TMEM108: variants seen among roughly 807,000 people sequenced by gnomAD.
TMEM108 encodes the protein transmembrane protein 108, also known as cancer/testis antigen 124.
Under a neutral mutation model 35.1 loss-of-function variants are expected in TMEM108, and 12 were observed. That is an observed-to-expected ratio of 0.34 (90% CI 0.22 to 0.55). TMEM108 has a LOEUF of 0.55. TMEM108 is among the 20% of genes least tolerant of loss of function. The pLI is 0.89. For missense variants in TMEM108, 680 were observed against 753.3 expected, an observed-to-expected ratio of 0.90 and a Z score of 1.14; for synonymous variants, 287 against 308.6, an observed-to-expected ratio of 0.93 and a Z score of 0.73.
chr3:133,106,175 G>GTTTTTTTTT, intron 2 of TMEM108, among the ~76,000 whole-genome samples: 1 of 89,692 alleles, frequency 1.1e-5, no homozygotes, highest in Non-Finnish European at 2.2e-5. Flanking sequence ...GAGGTTAAAG[G>GTTTTTTTTT]TTTTTTTTTT....
At position 133,343,636 on chromosome 3, in the gene TMEM108, A is replaced by C. The variant is rs74766905; in HGVS notation, c.41-36116A>C. Among the ~76,000 whole-genome samples the C allele has an allele frequency of 9.6e-3, 1,464 of 151,986 alleles. 5 individuals carry two copies. Among genetic ancestry groups the C allele is most frequent in the Non-Finnish European group, 0.017 (1,120 of 67,818 alleles). Reference sequence around the variant, plus strand: ...AGAAGCCAGAGCCAAAAAGAAAAGGAAACTATATGGACAGAAAATAGATCA... The same window carrying C: ...AGAAGCCAGAGCCAAAAAGAAAAGGCAACTATATGGACAGAAAATAGATCA... On this transcript the variant is annotated intron_variant, in intron 3 of 5. Transcript: ENST00000321871.
chr3:133,311,686 A>C (rs959519501), intron 3 of TMEM108, among the ~76,000 whole-genome samples: 1 of 152,148 alleles, frequency 6.6e-6, no homozygotes, highest in Non-Finnish European at 1.5e-5. Context: ...GAAGTTTATT[A>C]CCAACCTTCT....
chr3:133,179,719 C>A (rs1016068858), intron 2 of TMEM108, among the ~76,000 whole-genome samples: 2 of 151,968 alleles, frequency 1.3e-5, no homozygotes, highest in African/African-American at 2.4e-5. Flanking sequence ...TGATGAGTTA[C>A]TGGGTGCAGC....
intron 3 of TMEM108, among the ~76,000 whole-genome samples, chr3:133,358,318 C>G (rs558906374): frequency 1.3e-5 from 2 of 152,124 alleles, no homozygotes; most frequent in South Asian, 4.2e-4. Flanking sequence ...ATTACAAGCG[C>G]GAACCACTAC....
intron 2 of TMEM108, among the ~76,000 whole-genome samples, chr3:133,190,470 G>T (rs1359838161): frequency 6.6e-6 from 1 of 152,166 alleles, no homozygotes; most frequent in Non-Finnish European, 1.5e-5. Flanking sequence ...TGGGGTGAAG[G>T]AGGAGGTAAT....
In TMEM108 at chr3:133,280,006, G is replaced by A. The variant is rs867460320; in HGVS notation, c.40+50655G>A. Among the ~76,000 whole-genome samples the A allele has an allele frequency of 3.3e-5, 5 of 151,786 alleles. No individual in the cohort carries two copies. The South Asian group carries it at 1.0e-3, about 32-fold the overall frequency. On this transcript the variant is annotated intron_variant, in intron 3 of 5. Coordinates refer to ENST00000321871, the MANE Select transcript of TMEM108 (RefSeq NM_023943.4). ...TAGATTATATTAAATTTTGAGATGT[G>A]GGCACATTTTAATATGTTAAATGTG...
chr3:133,387,799 G>C, intron 4 of TMEM108: 2 of 976,846 alleles, frequency 2.0e-6, no homozygotes, highest in Non-Finnish European at 2.4e-6. Context: ...AGTCATGCAA[G>C]TAATAGATTG....
chr3:133,082,250 T>G (rs1943820986), intron 2 of TMEM108, among the ~76,000 whole-genome samples: 2 of 152,096 alleles, frequency 1.3e-5, no homozygotes, highest in Admixed American at 1.3e-4. Flanking sequence ...CTGGGGGAAA[T>G]AAATGCTAAT....
intron 4 of TMEM108, chr3:133,389,631 A>C (rs999489512): frequency 6.7e-6 from 1 of 149,228 alleles, no homozygotes; most frequent in African/African-American, 2.5e-5. Context: ...GGTTGCAGTG[A>C]GCCAAGATTG....
chr3:133,356,227 C>T (rs924079748), intron 3 of TMEM108, among the ~76,000 whole-genome samples: 6 of 150,530 alleles, frequency 4.0e-5, no homozygotes, highest in Non-Finnish European at 8.9e-5. Flanking sequence ...TTTACAACAG[C>T]TGAAAAAAAA....
At chr3:133,201,103 C>G (rs1945657237) in intron 2 of TMEM108, among the ~76,000 whole-genome samples, 1 of 152,144 alleles carries the variant, frequency 6.6e-6, no homozygotes, top group Admixed American at 6.5e-5. Flanking sequence ...AGTCAAGACA[C>G]ATGAAATTTC....
chr3:133,078,162 C>CTGTGTGTGT (rs1559825394), intron 2 of TMEM108, among the ~76,000 whole-genome samples: 5 of 30,420 alleles, frequency 1.6e-4, no homozygotes, highest in African/African-American at 2.5e-4. Flanking sequence ...TGTGTGTGCA[C>CTGTGTGTGT]GCGCGCGCGC....
chr3:133,077,620 A>T (rs1378508016), intron 2 of TMEM108, among the ~76,000 whole-genome samples: 1 of 152,166 alleles, frequency 6.6e-6, no homozygotes, highest in African/African-American at 2.4e-5. Context: ...CTCTCTGAAG[A>T]CTACTTCCAC....
chr3:133,370,871 A>AGTGTGT (rs71624013), intron 3 of TMEM108, among the ~76,000 whole-genome samples: 7,073 of 125,382 alleles, frequency 0.056, 317 homozygotes, highest in Middle Eastern at 0.093. Flanking sequence ...CCCAGCCCAT[A>AGTGTGT]GTGTGTGTGT....
intron 3 of TMEM108, among the ~76,000 whole-genome samples, chr3:133,314,497 T>C (rs115708994): frequency 0.011 from 1,730 of 152,318 alleles, 34 homozygotes; most frequent in South Asian, 0.045. Context: ...ACATGCATGC[T>C]TTGGGAAAGA....
chr3:133,066,915 T>C (rs1310112986), intron 2 of TMEM108, among the ~76,000 whole-genome samples: 1 of 151,988 alleles, frequency 6.6e-6, no homozygotes, highest in East Asian at 1.9e-4. Flanking sequence ...GAAACAATAA[T>C]GTGCATGTTT....
At chr3:133,292,258 C>CA (rs1451402942) in intron 3 of TMEM108, among the ~76,000 whole-genome samples, 2 of 152,070 alleles carry the variant, frequency 1.3e-5, no homozygotes, top group Non-Finnish European at 2.9e-5. Context: ...AACTGTGCTC[C>CA]AAAAAACTGC....
chr3:133,323,328 A>C (rs1369607277), intron 3 of TMEM108, among the ~76,000 whole-genome samples: 2 of 152,222 alleles, frequency 1.3e-5, no homozygotes, highest in Non-Finnish European at 2.9e-5. Flanking sequence ...AATTCAGTAA[A>C]GTTTCAGAAT....
At chr3:133,203,089 T>C (rs1383596036) in intron 2 of TMEM108, among the ~76,000 whole-genome samples, 2 of 152,236 alleles carry the variant, frequency 1.3e-5, no homozygotes, top group Non-Finnish European at 2.9e-5. Flanking sequence ...TTTGGCTTTT[T>C]GTTTGTCTAT....
Sources: gnomAD v4.1 joint callset for allele counts (sites outside exome capture counted in the v4.1 genomes callset) on GRCh38, gnomAD v4.1.1 for gene constraint, MANE v1.5 for transcripts, NCBI Gene and HGNC (gene_info 2026-07-23, HGNC 2026-07-21) for gene names.